NEK1: variants seen among roughly 807,000 people sequenced by gnomAD.
The protein encoded by NEK1 is serine/threonine-protein kinase Nek1.
A neutral mutation model predicts 182.1 loss-of-function variants in NEK1; 137 were observed. That is an observed-to-expected ratio of 0.75 (90% CI 0.65 to 0.87). The LOEUF (loss-of-function observed/expected upper bound fraction) is 0.87. NEK1 is among the 40% of genes least tolerant of loss of function. The probability of loss-of-function intolerance (pLI) is 0.00; values close to 1 mark genes in which losing one functional copy is unlikely to be tolerated. For missense variants in NEK1, 1,391 were observed against 1,494.4 expected, an observed-to-expected ratio of 0.93 and a Z score of 1.14; for synonymous variants, 513 against 492.2, an observed-to-expected ratio of 1.04 and a Z score of -0.56.
chr4:169,452,567 T>A (rs574778010), intron 27 of NEK1, among the ~76,000 whole-genome samples: 1 of 152,258 alleles, frequency 6.6e-6, no homozygotes, highest in South Asian at 2.1e-4. Flanking sequence ...AAAAACCACA[T>A]GATTATCTCA....
chr4:169,492,436 G>A lies in NEK1; in HGVS notation c.2008-12902C>T, dbSNP rs72691089. On this transcript the variant is annotated intron_variant, in intron 23 of 35. Coordinates refer to ENST00000507142, the MANE Select transcript of NEK1 (RefSeq NM_001199397.3). ...AGGAACTCAGAGTCCAGCAGAAACT[G>A]TAGGTGGGAGTGTGTCTCTGCTCCC... Among the ~76,000 whole-genome samples the A allele has an allele frequency of 4.0e-3, 608 of 152,298 alleles. 5 individuals are homozygous for A. The highest frequency in any genetic ancestry group is 0.03 in the South Asian group (147 of 4,822).
At chr4:169,596,183 T>TA in intron 5 of NEK1, among the ~76,000 whole-genome samples, 1 of 152,236 alleles carries the variant, frequency 6.6e-6, no homozygotes, top group South Asian at 2.1e-4. Context: ...GAACAAATAA[T>TA]AAGAGTTTTT....
chr4:169,573,625 G>C (rs911669690), intron 12 of NEK1, among the ~76,000 whole-genome samples: 2 of 151,740 alleles, frequency 1.3e-5, no homozygotes, highest in Admixed American at 1.3e-4. Context: ...AAGGAAAATA[G>C]AAACAAAGAG....
intron 27 of NEK1, among the ~76,000 whole-genome samples, chr4:169,446,096 TACA>T (rs1740506586): frequency 6.6e-6 from 1 of 151,698 alleles, no homozygotes; most frequent in South Asian, 2.1e-4. Flanking sequence ...GGTTAATGCA[TACA>T]AAATACAGTT....
rs1277808523 is a variant in NEK1 at position 169,427,627 on chromosome 4, T to TA, written c.2886-1394dup. Reference sequence around the variant, plus strand: ...CTTATGACTTAGCCTCCCAAGTAGGTAGGGTGACAGGCACATGCCACTGCA... The same window carrying TA: ...CTTATGACTTAGCCTCCCAAGTAGGTAAGGGTGACAGGCACATGCCACTGCA... On this transcript the variant is annotated intron_variant, in intron 29 of 35. Coordinates refer to ENST00000507142, the MANE Select transcript of NEK1 (RefSeq NM_001199397.3). Among the ~76,000 whole-genome samples, 4 of 152,028 alleles carry TA rather than the reference T, an allele frequency of 2.6e-5. No individual in the cohort carries two copies. The East Asian group carries it at 7.8e-4, about 29-fold the overall frequency.
intron 23 of NEK1, among the ~76,000 whole-genome samples, chr4:169,505,093 CTT>C (rs1335459176): frequency 2.6e-5 from 4 of 152,192 alleles, no homozygotes; most frequent in Non-Finnish European, 2.9e-5. Flanking sequence ...AAGAAAAAGA[CTT>C]CAACATTGGG....
At chr4:169,465,173 T>C (rs1403119148) in intron 26 of NEK1, among the ~76,000 whole-genome samples, 2 of 152,074 alleles carry the variant, frequency 1.3e-5, no homozygotes, top group Admixed American at 1.3e-4. Flanking sequence ...TAAAGGATGG[T>C]TAAAATAGAG....
In NEK1 at chr4:169,400,345, C is replaced by G; in HGVS notation, c.3727G>C (p.Asp1243His). 6.6e-7 allele frequency: 1 copy of G among 1,521,424 alleles called. No individual in the cohort carries two copies. The highest frequency in any genetic ancestry group is 8.9e-7 in the Non-Finnish European group (1 of 1,124,414). The allele number at this position is 1,521,424 out of a possible 1,614,324, so 94.2% of individuals were successfully genotyped here. ...VYEKIKAIHE[D>H]EDENIEICSK... ...CAAATTTCAATATTTTCATCTTCATCTTCATGAATAGCCTATACCAAATTC... is the reference window on the plus strand; with the variant it reads ...CAAATTTCAATATTTTCATCTTCATGTTCATGAATAGCCTATACCAAATTC... Residue 1243 changes from aspartate to histidine, a missense_variant, in exon 35 of 36, where the codon GAT becomes CAT. Physicochemically the swap from Asp to His is moderately conservative, Grantham distance 81. Transcript: ENST00000507142.
At chr4:169,510,991 TA>T (rs1417341551) in intron 19 of NEK1, among the ~76,000 whole-genome samples, 3 of 152,134 alleles carry the variant, frequency 2.0e-5, no homozygotes, top group African/African-American at 7.2e-5. Flanking sequence ...GAGTGCATTA[TA>T]ATGGTGGAAG....
intron 31 of NEK1, among the ~76,000 whole-genome samples, chr4:169,407,143 ACTAT>A (rs1256024308): frequency 6.6e-5 from 10 of 152,282 alleles, no homozygotes; most frequent in African/African-American, 2.2e-4. Flanking sequence ...AGTGCTAGAA[ACTAT>A]CTGTTTTCTC....
chr4:169,429,981 TTTTA>T (rs1465091910), intron 29 of NEK1, among the ~76,000 whole-genome samples: 23 of 152,330 alleles, frequency 1.5e-4, no homozygotes, highest in African/African-American at 5.5e-4. Context: ...GAAATGATTA[TTTTA>T]TTTCTTCCAA....
chr4:169,437,742 T>C (rs571509289), intron 28 of NEK1, among the ~76,000 whole-genome samples: 188 of 152,270 alleles, frequency 1.2e-3, no homozygotes, highest in Middle Eastern at 3.4e-3. Flanking sequence ...GTGAAGCTTT[T>C]TGGGACCCTT....
chr4:169,397,636 TC>T (rs976391847), intron 35 of NEK1, among the ~76,000 whole-genome samples: 5 of 152,240 alleles, frequency 3.3e-5, no homozygotes, highest in Non-Finnish European at 7.3e-5. Flanking sequence ...GGGTTCTCTT[TC>T]CCTTTCCATT....
rs1259700583 is a variant in NEK1 at position 169,477,133 on chromosome 4, T to C, written c.2425A>G (p.Thr809Ala). The change falls in exon 26 of 36, where the codon ACA becomes GCA. Residue 809 changes from threonine to alanine, a missense_variant. Coordinates refer to ENST00000507142, the MANE Select transcript of NEK1 (RefSeq NM_001199397.3). ...DELTLDTSFSTTERHTVGEVI... is the reference protein window; with the variant it reads ...DELTLDTSFSATERHTVGEVI... ...ATACTACTATACATACTTTCAGTTGTAGAGAAGGATGTATCTAGTGTTAAC... is the reference window on the plus strand; with the variant it reads ...ATACTACTATACATACTTTCAGTTGCAGAGAAGGATGTATCTAGTGTTAAC... 3.1e-6 allele frequency: 5 copies of C among 1,592,150 alleles called. No homozygotes were observed. The African/African-American group carries it at 4.0e-5, about 13-fold the overall frequency.
chr4:169,570,990 T>C (rs2150004010), intron 12 of NEK1, among the ~76,000 whole-genome samples: 1 of 151,878 alleles, frequency 6.6e-6, no homozygotes, highest in East Asian at 1.9e-4. Flanking sequence ...GCATGCTCAT[T>C]AAGAGTCATC....
intron 18 of NEK1, 25 bp downstream of exon 18, chr4:169,555,695 A>T (rs1762062198): frequency 6.2e-7 from 1 of 1,613,544 alleles, no homozygotes; most frequent in African/African-American, 1.3e-5. Context: ...CACATGGATG[A>T]ATTCATGGAT....
chr4:169,480,594 G>T lies in NEK1; in HGVS notation c.2008-1060C>A, dbSNP rs1747811621. ...TTTTGCTGGTGGAGGGTCTTGCCTT[G>T]ATACTGATGGCTACTGACTGATCAG... On this transcript the variant is annotated intron_variant, in intron 23 of 35. Transcript: ENST00000507142. 2.0e-5 allele frequency among the ~76,000 whole-genome samples: 3 copies of T among 150,350 alleles called. No homozygotes were observed. The South Asian group carries it at 6.3e-4, about 32-fold the overall frequency.
intron 12 of NEK1, among the ~76,000 whole-genome samples, chr4:169,576,410 G>T (rs1343362484): frequency 6.6e-6 from 1 of 152,180 alleles, no homozygotes; most frequent in Non-Finnish European, 1.5e-5. Context: ...ATATACCAAA[G>T]CATGCAGCTA....
At chr4:169,417,121 C>A (rs1459628617) in intron 31 of NEK1, among the ~76,000 whole-genome samples, 6 of 152,042 alleles carry the variant, frequency 3.9e-5, no homozygotes, top group African/African-American at 1.4e-4. Context: ...GAAGCCAAGG[C>A]CCCACTTGAA....
Sources: gnomAD v4.1 joint callset for allele counts (sites outside exome capture counted in the v4.1 genomes callset) on GRCh38, gnomAD v4.1.1 for gene constraint, MANE v1.5 for transcripts, NCBI Gene and HGNC (gene_info 2026-07-23, HGNC 2026-07-21) for gene names.